TENM2: variants seen among roughly 807,000 people sequenced by gnomAD.
TENM2 encodes teneurin-2.
A neutral mutation model predicts 245.2 loss-of-function variants in TENM2; 52 were observed. The ratio of observed to expected loss-of-function variants is 0.21; its 90% confidence interval spans 0.17 to 0.27. TENM2 has a LOEUF of 0.27. Ranked by LOEUF, TENM2 falls within the 10% of genes least tolerant of loss-of-function variation. TENM2 has a pLI of 1.00. For synonymous variants in TENM2, 1,363 were observed against 1,438.9 expected (o/e 0.95, Z 1.19); for missense variants, 3,046 against 3,666.8 (o/e 0.83, Z 4.37).
intron 2 of TENM2, among the ~76,000 whole-genome samples, chr5:167,780,221 C>T (rs1281551032): frequency 1.3e-5 from 2 of 152,190 alleles, no homozygotes; most frequent in Non-Finnish European, 2.9e-5. Flanking sequence ...TCATAACAGT[C>T]GATCCTTGTG....
At chr5:168,007,128 CTTTCTTTTTT>C (rs1411666410) in intron 5 of TENM2, among the ~76,000 whole-genome samples, 1 of 146,638 alleles carries the variant, frequency 6.8e-6, no homozygotes, top group Non-Finnish European at 1.5e-5. Context: ...CTTCCTTTTT[CTTTCTTTTTT>C]TTTTTTGAGA....
rs1760860398 is a variant in TENM2 at position 167,737,187 on chromosome 5, G to A, written c.503-138799G>A. On this transcript the variant is annotated intron_variant, in intron 2 of 28. Coordinates refer to ENST00000518659, the Ensembl canonical transcript of TENM2. Reference sequence around the variant, plus strand: ...CCAGTACGTCAAAGCGTTTTTAAATGGACGAGCCTAAAGTGATCATTGTCT... The same window carrying A: ...CCAGTACGTCAAAGCGTTTTTAAATAGACGAGCCTAAAGTGATCATTGTCT... Among the ~76,000 whole-genome samples the A allele has an allele frequency of 2.0e-5, 3 of 152,168 alleles. No homozygotes were observed. In the South Asian group the frequency reaches 6.2e-4, roughly 32 times the overall value.
chr5:167,040,702 C>T, the TENM2 span, among the ~76,000 whole-genome samples: 1 of 152,258 alleles, frequency 6.6e-6, no homozygotes, highest in Non-Finnish European at 1.5e-5. Context: ...TTTCCATACA[C>T]TGTATTTTAT....
chr5:168,244,557 C>A lies in TENM2; in HGVS notation c.5658C>A (p.Ser1886Arg), dbSNP rs368288670. ...GCCCCTTCCTCTGGCTGCCCAGCAG[C>A]GGGCTGGCAGCTGTCAACGTGTCAT... Residue 1886 changes from serine to arginine, a missense_variant, in exon 26 of 29, where the codon AGC (serine) becomes AGA (arginine). Around this residue, in one of 2 missense-constraint regions of TENM2, gnomAD observed 2,704 missense variants for 3,331.9 expected, o/e 0.81. Transcript: ENST00000518659. This position sits in a 1 kb window ranked among gnomAD's most constrained non-coding sequence, Gnocchi z 4.9. 4 of 1,612,218 alleles carry A rather than the reference C, an allele frequency of 2.5e-6. No homozygotes were observed. In the Admixed American group the frequency reaches 6.7e-5, roughly 27 times the overall value.
intron 2 of TENM2, among the ~76,000 whole-genome samples, chr5:167,815,827 G>A (rs1011160613): frequency 6.6e-6 from 1 of 152,116 alleles, no homozygotes; most frequent in African/African-American, 2.4e-5. Flanking sequence ...GGATGCTAAT[G>A]TATACACTGG....
chr5:167,690,321 G>A (rs2150402668), intron 2 of TENM2, among the ~76,000 whole-genome samples: 1 of 151,900 alleles, frequency 6.6e-6, no homozygotes, highest in South Asian at 2.1e-4. Context: ...AGGAAAGTGA[G>A]GTTCAGAAAG....
intron 2 of TENM2, among the ~76,000 whole-genome samples, chr5:167,389,298 A>G (rs1761625054): frequency 6.6e-6 from 1 of 151,280 alleles, no homozygotes; most frequent in Non-Finnish European, 1.5e-5. Flanking sequence ...GAAAAAGAAT[A>G]AAAATCACCT....
chr5:167,218,812 C>T, the TENM2 span, among the ~76,000 whole-genome samples: 1 of 152,106 alleles, frequency 6.6e-6, no homozygotes, highest in African/African-American at 2.4e-5. Context: ...ACAAGGGTAT[C>T]GTTTTCAGTT....
chr5:168,009,072 T>C (rs1334411594), intron 5 of TENM2, among the ~76,000 whole-genome samples: 1 of 152,216 alleles, frequency 6.6e-6, no homozygotes, highest in Non-Finnish European at 1.5e-5. Flanking sequence ...CATAACGTAG[T>C]GCTTACATGT....
intron 2 of TENM2, among the ~76,000 whole-genome samples, chr5:167,613,215 A>G (rs1777585279): frequency 6.6e-6 from 1 of 152,188 alleles, no homozygotes; most frequent in African/African-American, 2.4e-5. Context: ...CAAGTCACTT[A>G]ACATCTAGAT....
chr5:168,093,372 C>A (rs1241538279), intron 8 of TENM2, among the ~76,000 whole-genome samples: 1 of 152,182 alleles, frequency 6.6e-6, no homozygotes. Context: ...AATAGTTGGG[C>A]AGACATCTTG....
At chr5:167,315,892 G>T (rs1381569001) in intron 1 of TENM2, among the ~76,000 whole-genome samples, 2 of 152,124 alleles carry the variant, frequency 1.3e-5, no homozygotes, top group Non-Finnish European at 2.9e-5. Context: ...ATTATAGCTA[G>T]AGTTATAGAA....
exon 8 of TENM2, chr5:168,090,734 A>G: frequency 6.2e-7 from 1 of 1,613,912 alleles, no homozygotes; most frequent in Non-Finnish European, 8.5e-7. Flanking sequence ...GATGGAAAAG[A>G]CAAAGAGATG....
rs1198524359 is a variant in TENM2, at chr5:167,629,776, G to A, written c.503-246210G>A. 2.6e-5 allele frequency among the ~76,000 whole-genome samples: 4 copies of A among 152,104 alleles called. No individual in the cohort carries two copies. The East Asian group carries it at 7.7e-4, about 29-fold the overall frequency. ...CTCCCTGGGATTTGAGGAAATTATTGCACTTCTTGTGCCTTATGACACCAC... is the reference window on the plus strand; with the variant it reads ...CTCCCTGGGATTTGAGGAAATTATTACACTTCTTGTGCCTTATGACACCAC... On this transcript the variant is annotated intron_variant, in intron 2 of 28. Transcript: ENST00000518659.
At position 168,237,007 on chromosome 5, in the gene TENM2, T is replaced by A. The variant is rs1184739763; in HGVS notation, c.5521-7413T>A. 1.2e-4 allele frequency among the ~76,000 whole-genome samples: 4 copies of A among 32,894 alleles called. No homozygotes were observed. In the South Asian group the frequency reaches 4.3e-3, roughly 35 times the overall value. The allele number at this position is 32,894 out of a possible 152,430, so 21.6% of individuals were successfully genotyped here. A position where few individuals can be genotyped will look rare whatever the true frequency, so the allele number is the denominator to read the frequency against. Reference sequence around the variant, plus strand: ...ATATATATATATATATATATTTTTTTTTTTTTTTTTTTTTTTTTTTTTTTT... The same window carrying A: ...ATATATATATATATATATATTTTTTATTTTTTTTTTTTTTTTTTTTTTTTT... On this transcript the variant is annotated intron_variant, in intron 25 of 28. Transcript: ENST00000518659.
chr5:167,304,880 T>A (rs1755576548), intron 1 of TENM2, among the ~76,000 whole-genome samples: 1 of 152,194 alleles, frequency 6.6e-6, no homozygotes, highest in Non-Finnish European at 1.5e-5. Context: ...TAGGAAGTTA[T>A]AAACATACCC....
At chr5:167,510,304 A>G (rs948036371) in intron 2 of TENM2, among the ~76,000 whole-genome samples, 4 of 152,194 alleles carry the variant, frequency 2.6e-5, no homozygotes, top group South Asian at 4.1e-4. Flanking sequence ...GCAATTTGCC[A>G]TGCTCCCACT....
the TENM2 span, among the ~76,000 whole-genome samples, chr5:167,025,388 A>C: frequency 6.6e-6 from 1 of 152,336 alleles, no homozygotes; most frequent in Middle Eastern, 3.4e-3. Context: ...TTATAGTTAC[A>C]AAAGTAGATT....
At chr5:167,552,951 A>G (rs1011432183) in intron 2 of TENM2, among the ~76,000 whole-genome samples, 19 of 116,130 alleles carry the variant, frequency 1.6e-4, no homozygotes, top group East Asian at 2.5e-4. Context: ...ATGAATGAAT[A>G]AGTGAGACAT....
Sources: allele counts gnomAD v4.1 joint callset (sites outside exome capture counted in the v4.1 genomes callset), GRCh38; gene constraint gnomAD v4.1.1; regional missense constraint gnomAD v4.1.1; non-coding constraint Gnocchi (gnomAD v3.1); transcripts MANE v1.5; gene names NCBI Gene and HGNC (gene_info 2026-07-23, HGNC 2026-07-21).